The following SYNE4 variants were observed in gnomAD, a reference collection of about 807,000 sequenced individuals.
SYNE4 encodes nesprin-4.
Under a neutral mutation model 46.9 loss-of-function variants are expected in SYNE4, and 41 were observed. The ratio of observed to expected loss-of-function variants is 0.87; its 90% CI spans 0.68 to 1.13. The LOEUF is 1.13. Ranked by LOEUF, SYNE4 falls within the 50% of genes most tolerant of loss-of-function variation. The pLI, the probability that SYNE4 is intolerant of heterozygous loss-of-function variation, is 0.00. For synonymous variants in SYNE4, 221 were observed against 219.5 expected (o/e 1.01, Z -0.06); for missense variants, 492 against 514.8 (o/e 0.96, Z 0.43).
At chr19:36,006,293 C>T (rs1050107250) in intron 5 of SYNE4, 130 bp downstream of exon 5, 194 of 1,244,926 alleles carry the variant, frequency 1.6e-4, no homozygotes, top group Non-Finnish European at 1.8e-4. Flanking sequence ...AAGGAGACAC[C>T]GAGAGACAGA....
chr19:36,007,411 C>A, intron 2 of SYNE4, 143 bp from the exon 3 acceptor site: 1 of 1,425,584 alleles, frequency 7.0e-7, no homozygotes, highest in Non-Finnish European at 9.2e-7. Context: ...CAGGATGGCT[C>A]CCACTGGGGG....
intron 6 of SYNE4, among the ~76,000 whole-genome samples, chr19:36,004,727 C>T (rs1413069685): frequency 6.6e-6 from 1 of 152,138 alleles, no homozygotes; most frequent in African/African-American, 2.4e-5. Flanking sequence ...CGGAGGCATG[C>T]TCCTTCCCCT....
rs765535415 is a variant in SYNE4 at position 36,006,442 on chromosome 19, C to T, written c.848G>A (p.Gly283Asp). ...CELCGQRGPQ[G>D]RGQGLEEADT... is the part of the protein sequence containing the mutation. ...TCTCACCTCAAGGCCTTGTCCCCTGCCCTGGGGCCCCCTCTGGCCACACAG... is the reference window on the plus strand; with the variant it reads ...TCTCACCTCAAGGCCTTGTCCCCTGTCCTGGGGCCCCCTCTGGCCACACAG... The change falls in exon 5 of 8, where the codon GGC becomes GAC. Residue 283 changes from glycine (G) to aspartate (D), a missense_variant. By Grantham distance (94) the Gly-to-Asp change is moderately conservative (BLOSUM62 -1). Coordinates refer to ENST00000324444, the MANE Select transcript of SYNE4 (RefSeq NM_001039876.3). 1 of 1,611,018 alleles carries T rather than the reference C, an allele frequency of 6.2e-7. No individual in the cohort carries two copies.
In SYNE4 at chr19:36,003,523, G is replaced by A. The variant is rs1338924033; in HGVS notation, c.1032-3C>T. On this transcript the variant is annotated splice_region_variant and splice_polypyrimidine_tract_variant and intron_variant, in intron 7 of 7. Transcript: ENST00000324444. Reference sequence around the variant, plus strand: ...GCCTGGATGCAGGATCGGGGGCCCTGTGAAGGGAAATGCAGTGTTAAACAT... The same window carrying A: ...GCCTGGATGCAGGATCGGGGGCCCTATGAAGGGAAATGCAGTGTTAAACAT... 1.9e-6 allele frequency: 3 copies of A among 1,597,504 alleles called. No homozygotes were observed. Among genetic ancestry groups the A allele is most frequent in the South Asian group, 2.3e-5 (2 of 88,876 alleles).
At chr19:36,006,293 C>A in intron 5 of SYNE4, 130 bp downstream of exon 5, 1 of 1,245,044 alleles carries the variant, frequency 8.0e-7, no homozygotes, top group East Asian at 2.5e-5. Context: ...AAGGAGACAC[C>A]GAGAGACAGA....
Position 36,008,701 on chromosome 19 carries a change from CAA to C in SYNE4, c.-22_-21del. ...GGCCATGGCTGGGGGCCTGGGGACA[CAA>C]AGTCAGGTGAGGGCAGCCAGTAAGA... is the stretch of plus-strand genomic sequence containing the variant. On this transcript the variant is annotated 5_prime_UTR_variant, in exon 1 of 8. Transcript: ENST00000324444. 1.9e-6 allele frequency: 3 copies of C among 1,598,682 alleles called. No individual in the cohort carries two copies. Among genetic ancestry groups the C allele is most frequent in the Non-Finnish European group, 2.6e-6 (3 of 1,173,028 alleles).
chr19:36,003,639 C>T lies in SYNE4; in HGVS notation c.1005G>A (p.Gln335=). 3.7e-6 allele frequency: 6 copies of T among 1,613,436 alleles called. No individual in the cohort carries two copies. In the South Asian group the frequency reaches 5.5e-5, roughly 15 times the overall value. ...CTGGATTCCCCTCCAGCCTCACATC[C>T]TGGAGATGAGGAGATGCTTGCCTCT... is the stretch of plus-strand genomic sequence containing the variant. The part of the protein sequence containing the change: ...DKKRQASPHL[Q]DVRLEGNPGA... The change falls in exon 7 of 8, where the codon CAG becomes CAA. Residue 335 remains glutamine, a synonymous_variant. Coordinates refer to ENST00000324444, the MANE Select transcript of SYNE4 (RefSeq NM_001039876.3).
chr19:36,008,652 TCTAGGG>T lies in SYNE4; in HGVS notation c.24_29del (p.Pro9_Arg10del). 6.2e-7 allele frequency: 1 copy of T among 1,613,630 alleles called. No individual in the cohort carries two copies. Among genetic ancestry groups the T allele is most frequent in the African/African-American group, 1.3e-5 (1 of 74,996 alleles). ...GGTGGTTGAGGGGCTCTGAGCCAAG[TCTAGGG>T]CCCAGAGGCAGGGACAGGGCCATGG... On this transcript the variant is annotated inframe_deletion, in exon 1 of 8. Transcript: ENST00000324444.
rs557328482 is a variant in SYNE4 at position 36,007,204 on chromosome 19, C to T, written c.344G>A (p.Gly115Glu). The change falls in exon 3 of 8, where the codon GGG (glycine) becomes GAG (glutamate). Residue 115 changes from glycine to glutamate, a missense_variant. Gly to Glu is a moderately conservative substitution (Grantham distance 98). Transcript: ENST00000324444. ...EQNSLHLCLL[G>E]LGRRLQDLEQ... The stretch of plus-strand genomic sequence containing the variant: ...CAGGTCCTGCAGCCGGCGGCCCAGC[C>T]CCAGCAGGCACAGGTGCAGGCTGTT... 3 of 1,586,246 alleles carry T rather than the reference C, an allele frequency of 1.9e-6. No homozygotes were observed. Among genetic ancestry groups the T allele is most frequent in the African/African-American group, 2.7e-5 (2 of 74,620 alleles).
rs1790659575 is a variant in SYNE4 at position 36,006,803 on chromosome 19, A to C, written c.565T>G (p.Ser189Ala). Residue 189 changes from serine to alanine, a missense_variant, in exon 4 of 8, where the codon TCC becomes GCC. Coordinates refer to ENST00000324444, the MANE Select transcript of SYNE4 (RefSeq NM_001039876.3). ...AGCTGCCAGAGCCGCCGGAAGATGG[A>C]GTCTCGGTAAGCTCCCAGGGCCCGC... Reference protein sequence around the residue: ...ILRALGAYRDSIFRRLWQLQA... With the variant: ...ILRALGAYRDAIFRRLWQLQA... 6.2e-7 allele frequency: 1 copy of C among 1,610,354 alleles called. No individual in the cohort carries two copies. The highest frequency in any genetic ancestry group is 8.5e-7 in the Non-Finnish European group (1 of 1,178,858).
chr19:36,004,180 G>A (rs1406512954), intron 6 of SYNE4, among the ~76,000 whole-genome samples: 1 of 152,024 alleles, frequency 6.6e-6, no homozygotes, highest in Non-Finnish European at 1.5e-5. Flanking sequence ...ATTTACTTTT[G>A]TTTAATGATT....
At chr19:36,007,005 C>T (rs1968376460) in intron 3 of SYNE4, 61 bp from the exon 4 acceptor site, 11 of 1,531,238 alleles carry the variant, frequency 7.2e-6, no homozygotes, top group Non-Finnish European at 9.7e-6. Flanking sequence ...GGAGTTACCC[C>T]CCTCCCCCAT....
In SYNE4 at chr19:36,006,910, C is replaced by T. The variant is rs751251082; in HGVS notation, c.458G>A (p.Arg153His). The T allele has an allele frequency of 3.0e-5, 47 of 1,553,692 alleles. No homozygotes were observed. Among genetic ancestry groups the T allele is most frequent in the South Asian group, 2.4e-4 (20 of 84,300 alleles). The change falls in exon 4 of 8, where the codon CGT (arginine) becomes CAT (histidine). Residue 153 changes from arginine to histidine, a missense_variant. Arg to His is a conservative substitution (Grantham distance 29). Coordinates refer to ENST00000324444, the MANE Select transcript of SYNE4 (RefSeq NM_001039876.3). The part of the protein sequence containing the change: ...LQVDLRGAAE[R>H]VEALLAFGEG... Reference sequence around the variant, plus strand: ...ACCAAACGCTAGCAGCGCCTCCACACGCTCAGCTGCCCCTCGTAGGTCCAC... The same window carrying T: ...ACCAAACGCTAGCAGCGCCTCCACATGCTCAGCTGCCCCTCGTAGGTCCAC...
chr19:36,003,370 C>G lies in SYNE4; in HGVS notation c.1182G>C (p.Val394=). Residue 394 remains valine, a synonymous_variant, in exon 8 of 8, where the codon GTG becomes GTC. Transcript: ENST00000324444. ...GGGGAAGACCATTGACATAGCTGAGCACCAGGTAGGGTGTCCTGGGTATTC... is the reference window on the plus strand; with the variant it reads ...GGGGAAGACCATTGACATAGCTGAGGACCAGGTAGGGTGTCCTGGGTATTC... ...HARIPRTPYL[V]LSYVNGLPPV The G allele has an allele frequency of 2.5e-6, 4 of 1,614,090 alleles. No homozygotes were observed. The highest frequency in any genetic ancestry group is 3.4e-6 in the Non-Finnish European group (4 of 1,180,004).
rs182159084 is a variant in SYNE4 at position 36,008,283 on chromosome 19, G to A, written c.213C>T (p.Ala71=). 207 of 1,599,970 alleles carry A rather than the reference G, an allele frequency of 1.3e-4. 1 individual carries two copies. In the Middle Eastern group the frequency reaches 1.7e-3, roughly 13 times the overall value. ...FQGGPRGNEP[A]AHPPRWSTPS... is the part of the protein sequence containing the mutation. ...GTGTTGACCATCTCGGGGGGTGAGCGGCAGGCTCATTGCCCCTTGGCCCAC... is the reference window on the plus strand; with the variant it reads ...GTGTTGACCATCTCGGGGGGTGAGCAGCAGGCTCATTGCCCCTTGGCCCAC... The change falls in exon 2 of 8, where the codon GCC becomes GCT. Residue 71 remains alanine, a synonymous_variant. Coordinates refer to ENST00000324444, the MANE Select transcript of SYNE4 (RefSeq NM_001039876.3).
rs758446616 is a variant in SYNE4 at position 36,003,355 on chromosome 19, A to G, written c.1197T>C (p.Asn399=). The change falls in exon 8 of 8, where the codon AAT becomes AAC. Residue 399 remains asparagine, a synonymous_variant. Coordinates refer to ENST00000324444, the MANE Select transcript of SYNE4 (RefSeq NM_001039876.3). ...RTPYLVLSYV[N]GLPPV is the part of the protein sequence containing the mutation. ...ACACACATCAGACTGGGGGAAGACCATTGACATAGCTGAGCACCAGGTAGG... is the reference window on the plus strand; with the variant it reads ...ACACACATCAGACTGGGGGAAGACCGTTGACATAGCTGAGCACCAGGTAGG... The G allele has an allele frequency of 5.0e-6, 8 of 1,614,100 alleles. No homozygotes were observed. Among genetic ancestry groups the G allele is most frequent in the South Asian group, 2.2e-5 (2 of 91,068 alleles).
chr19:36,007,386 C>T (rs771316968), intron 2 of SYNE4, 118 bp from the exon 3 acceptor site: 49 of 1,445,652 alleles, frequency 3.4e-5, no homozygotes, highest in South Asian at 2.4e-4. Flanking sequence ...AGTCCATCTC[C>T]GGGTCTGTCT....
rs552016132 is a variant in SYNE4 at position 36,005,464 on chromosome 19, G to A, written c.868-27C>T. On this transcript the variant is annotated intron_variant, in intron 5 of 7. Coordinates refer to ENST00000324444, the MANE Select transcript of SYNE4 (RefSeq NM_001039876.3). Reference sequence around the variant, plus strand: ...TGGAGAACCAGCAACAAAGAAAAACGTGGTTGGGGGAGGGCCAGGATAGGG... The same window carrying A: ...TGGAGAACCAGCAACAAAGAAAAACATGGTTGGGGGAGGGCCAGGATAGGG... The A allele has an allele frequency of 3.2e-5, 52 of 1,610,182 alleles. No individual in the cohort carries two copies. The South Asian group carries it at 3.7e-4, about 12-fold the overall frequency.
chr19:36,003,451 C>A lies in SYNE4; in HGVS notation c.1101G>T (p.Leu367=), dbSNP rs1976741757. The stretch of plus-strand genomic sequence containing the variant: ...CGGGCAGGAGAAACATGGCACCCAC[C>A]AGGAGGAGGAAGAGGAGGAAGAGGA... ...LLILFLLFLL[L]VGAMFLLPAS... The change falls in exon 8 of 8, where the codon CTG becomes CTT. Residue 367 remains leucine, a synonymous_variant. Transcript: ENST00000324444. 20 of 1,612,884 alleles carry A rather than the reference C, an allele frequency of 1.2e-5. No individual in the cohort carries two copies. The highest frequency in any genetic ancestry group is 1.7e-5 in the Non-Finnish European group (20 of 1,179,562).
Sources: gnomAD v4.1 joint callset for allele counts (sites outside exome capture counted in the v4.1 genomes callset) on GRCh38, gnomAD v4.1.1 for gene constraint, MANE v1.5 for transcripts, NCBI Gene and HGNC (gene_info 2026-07-23, HGNC 2026-07-21) for gene names.